Variants in ACACA observed in about 807,000 individuals in gnomAD.
ACACA encodes acetyl-CoA carboxylase 1.
A neutral mutation model predicts 296.1 loss-of-function variants in ACACA; 103 were observed. The ratio of observed to expected loss-of-function variants is 0.35; its 90% CI spans 0.30 to 0.41. ACACA has a LOEUF of 0.41. Among genes scored for constraint, ACACA ranks in the 10% least tolerant of loss-of-function variants. The pLI, the probability that ACACA is intolerant of heterozygous loss-of-function variation, is 1.00. For synonymous variants in ACACA, 953 were observed against 1,038.6 expected, an observed-to-expected ratio of 0.92 and a Z score of 1.58; for missense variants, 1,554 against 2,989.7, an observed-to-expected ratio of 0.52 and a Z score of 11.20.
At chr17:37,380,534 T>C (rs1423775530) in intron 1 of ACACA, among the ~76,000 whole-genome samples, 1 of 152,158 alleles carries the variant, frequency 6.6e-6, no homozygotes, top group Admixed American at 6.6e-5. Flanking sequence ...CCTGATACTC[T>C]GTGATTTTCA....
At chr17:37,332,579 T>A (rs529965595) in intron 2 of ACACA, among the ~76,000 whole-genome samples, 1 of 131,996 alleles carries the variant, frequency 7.6e-6, no homozygotes, top group Non-Finnish European at 1.6e-5. Context: ...AAGACTAGCA[T>A]GAGCATCAAA....
At chr17:37,181,442 T>A in intron 39 of ACACA, 86 bp from the exon 40 acceptor site, 1 of 1,460,962 alleles carries the variant, frequency 6.8e-7, no homozygotes, top group Non-Finnish European at 9.5e-7. Flanking sequence ...GCACAAATAT[T>A]ATCTCTTTGA....
intron 22 of ACACA, among the ~76,000 whole-genome samples, 172 bp from the exon 23 acceptor site, chr17:37,242,225 T>C (rs2080450089): frequency 6.6e-6 from 1 of 152,164 alleles, no homozygotes; most frequent in African/African-American, 2.4e-5. Flanking sequence ...AGAATCACGC[T>C]ACATAAGCAA....
chr17:37,178,845 TA>T (rs1055091049), intron 41 of ACACA, among the ~76,000 whole-genome samples: 11 of 151,956 alleles, frequency 7.2e-5, no homozygotes, highest in African/African-American at 2.2e-4. Flanking sequence ...ATTTCACACA[TA>T]GACAAAAACA....
intron 45 of ACACA, among the ~76,000 whole-genome samples, chr17:37,138,861 G>T (rs1046345434): frequency 7.2e-5 from 11 of 152,200 alleles, no homozygotes; most frequent in African/African-American, 2.7e-4. Context: ...GGTGAGTAAT[G>T]GGGGAGGTGG....
chr17:37,304,776 C>T (rs7208404), intron 3 of ACACA, among the ~76,000 whole-genome samples: 4,050 of 144,950 alleles, frequency 0.028, 118 homozygotes, highest in African/African-American at 0.065. Flanking sequence ...GCAACAAGAG[C>T]GAAACTCTGT....
intron 1 of ACACA, among the ~76,000 whole-genome samples, chr17:37,380,684 G>A (rs971309905): frequency 6.6e-6 from 1 of 151,768 alleles, no homozygotes; most frequent in Non-Finnish European, 1.5e-5. Context: ...TGCAACCTCT[G>A]CCTCCCAGGT....
intron 45 of ACACA, among the ~76,000 whole-genome samples, chr17:37,138,922 T>C (rs760697689): frequency 6.6e-6 from 1 of 152,122 alleles, no homozygotes; most frequent in East Asian, 1.9e-4. Flanking sequence ...TTGGAGATGG[T>C]TGCTGACTGC....
At chr17:37,286,141 C>T (rs1336332912) in intron 3 of ACACA, among the ~76,000 whole-genome samples, 4 of 152,096 alleles carry the variant, frequency 2.6e-5, no homozygotes, top group Non-Finnish European at 5.9e-5. Context: ...CCGCCCACCT[C>T]GGCCTTCCAA....
intron 44 of ACACA, among the ~76,000 whole-genome samples, chr17:37,150,976 C>T (rs1011560799): frequency 6.6e-5 from 10 of 151,718 alleles, no homozygotes; most frequent in Admixed American, 5.9e-4. Flanking sequence ...TGCTTGAACA[C>T]GGGAGGCGGA....
intron 1 of ACACA, among the ~76,000 whole-genome samples, chr17:37,382,717 G>A (rs1443894203): frequency 1.3e-5 from 2 of 152,086 alleles, no homozygotes; most frequent in African/African-American, 4.8e-5. Flanking sequence ...AAAATTAGCT[G>A]GGCATGGTGG....
chr17:37,363,269 ACC>A (rs1278662929), intron 1 of ACACA, among the ~76,000 whole-genome samples: 2 of 120,620 alleles, frequency 1.7e-5, no homozygotes, highest in African/African-American at 6.5e-5. Context: ...TGCAACCTCC[ACC>A]TCCCGGGTTC....
chr17:37,400,343 C>A (rs928382668), intron 1 of ACACA, among the ~76,000 whole-genome samples: 4 of 152,110 alleles, frequency 2.6e-5, no homozygotes, highest in Non-Finnish European at 5.9e-5. Context: ...TGGTCTCAAA[C>A]CCCTGACCTC....
Position 37,342,436 on chromosome 17 carries a change from A to AATATATAT in ACACA, c.39-2594_39-2587dup, listed in dbSNP as rs1295176626. ...AAAAAAAAAAAAAAAAAAAAAAAAA[A>AATATATAT]ATATATATATATATATATATATACA... On this transcript the variant is annotated intron_variant, in intron 1 of 55. Coordinates refer to ENST00000616317, the MANE Select transcript of ACACA (RefSeq NM_198834.3). Among the ~76,000 whole-genome samples the AATATATAT allele has an allele frequency of 4.6e-3, 266 of 58,194 alleles. 2 individuals carry two copies. The highest frequency in any genetic ancestry group is 0.017 in the East Asian group (20 of 1,202). 38.2% of individuals were successfully genotyped at this position (58,194 alleles called of 152,430 possible).
chr17:37,239,796 T>C (rs1032832089), intron 24 of ACACA, among the ~76,000 whole-genome samples: 2 of 152,212 alleles, frequency 1.3e-5, no homozygotes, highest in Non-Finnish European at 2.9e-5. Context: ...GGATTTTTGC[T>C]GGTCATGAGT....
intron 47 of ACACA, 55 bp downstream of exon 47, chr17:37,129,310 A>G: frequency 6.2e-7 from 1 of 1,607,936 alleles, no homozygotes; most frequent in Non-Finnish European, 8.5e-7. Context: ...GTGATTGAAA[A>G]GAACGCTAAA....
chr17:37,159,418 C>T (rs1598012442), intron 42 of ACACA, among the ~76,000 whole-genome samples: 1 of 152,172 alleles, frequency 6.6e-6, no homozygotes, highest in South Asian at 2.1e-4. Context: ...GATGGTATTT[C>T]GCTATGTTAG....
intron 5 of ACACA, among the ~76,000 whole-genome samples, chr17:37,281,585 G>A (rs949005560): frequency 4.6e-5 from 7 of 152,098 alleles, no homozygotes; most frequent in Non-Finnish European, 1.0e-4. Context: ...AAAAGAAACC[G>A]GACCGGGCGC....
intron 52 of ACACA, among the ~76,000 whole-genome samples, chr17:37,104,174 T>C (rs1401985908): frequency 6.6e-6 from 1 of 152,198 alleles, no homozygotes; most frequent in African/African-American, 2.4e-5. Context: ...TACAAATTTG[T>C]GTTGGGCCAC....
Sources: allele counts gnomAD v4.1 joint callset (sites outside exome capture counted in the v4.1 genomes callset), GRCh38; gene constraint gnomAD v4.1.1; transcripts MANE v1.5; gene names NCBI Gene and HGNC (gene_info 2026-07-23, HGNC 2026-07-21).